KIAA1328: variants seen among roughly 807,000 people sequenced by gnomAD.
The protein encoded by KIAA1328 is KIAA1328, also known as protein hinderin.
Under a neutral mutation model 68.1 loss-of-function variants are expected in KIAA1328, and 52 were observed. The ratio of observed to expected loss-of-function variants is 0.76; its 90% confidence interval spans 0.61 to 0.96. The LOEUF (loss-of-function observed/expected upper bound fraction) is 0.96. Ranked by LOEUF, KIAA1328 falls within the 40% of genes least tolerant of loss-of-function variation. The probability of loss-of-function intolerance (pLI) is 0.00; values close to 1 mark genes in which losing one functional copy is unlikely to be tolerated. For synonymous variants in KIAA1328, 232 were observed against 239.4 expected (o/e 0.97, Z 0.28); for missense variants, 641 against 677.6 (o/e 0.95, Z 0.60).
chr18:37,229,673 G>A (rs2060655994), downstream of KIAA1328: 1 of 563,650 alleles, frequency 1.8e-6, no homozygotes, highest in Non-Finnish European at 2.8e-6. Flanking sequence ...AGGAGATCGA[G>A]ACCATCCTGG....
intron 7 of KIAA1328, among the ~76,000 whole-genome samples, chr18:37,142,212 G>A (rs916885723): frequency 6.6e-6 from 1 of 151,854 alleles, no homozygotes; most frequent in Non-Finnish European, 1.5e-5. Flanking sequence ...TTTTTTTGGG[G>A]ATGGAGTCTC....
At chr18:37,180,058 CCACACACACACACACACA>C (rs139301794) in intron 9 of KIAA1328, among the ~76,000 whole-genome samples, 35 of 134,168 alleles carry the variant, frequency 2.6e-4, no homozygotes, top group Admixed American at 6.8e-4. Context: ...GATTCAAAAG[CCACACACACACACACACA>C]CACACACACA....
At chr18:36,913,543 TACACACACACACACAC>T (rs34096013) in intron 5 of KIAA1328, among the ~76,000 whole-genome samples, 1 of 131,406 alleles carries the variant, frequency 7.6e-6, no homozygotes, top group Admixed American at 7.9e-5. Flanking sequence ...AGCAACTGCC[TACACACACACACACAC>T]ACACACACAC....
At chr18:37,133,820 G>A (rs753515585) in intron 7 of KIAA1328, among the ~76,000 whole-genome samples, 5 of 151,970 alleles carry the variant, frequency 3.3e-5, no homozygotes, top group East Asian at 1.9e-4. Flanking sequence ...CATTACTCCC[G>A]GCCTCTGTAT....
intron 4 of KIAA1328, among the ~76,000 whole-genome samples, chr18:36,868,213 G>A (rs975295272): frequency 1.3e-5 from 2 of 152,138 alleles, no homozygotes; most frequent in African/African-American, 4.8e-5. Flanking sequence ...AGTGCTAAGG[G>A]ATGAGTTGAT....
intron 8 of KIAA1328, among the ~76,000 whole-genome samples, chr18:37,165,956 C>A (rs1021500503): frequency 6.6e-6 from 1 of 151,052 alleles, no homozygotes; most frequent in African/African-American, 2.4e-5. Context: ...ATCTTTTTTT[C>A]TGTACTTACA....
chr18:36,912,740 C>A (rs1254143292), intron 5 of KIAA1328, among the ~76,000 whole-genome samples: 5 of 152,088 alleles, frequency 3.3e-5, no homozygotes, highest in Admixed American at 2.0e-4. Context: ...CTTATCAGCT[C>A]AAAAGTTTCG....
chr18:37,063,115 T>A (rs2056218026), intron 6 of KIAA1328, among the ~76,000 whole-genome samples: 2 of 152,022 alleles, frequency 1.3e-5, no homozygotes, highest in African/African-American at 4.8e-5. Context: ...TATACATGGC[T>A]GCATTATTAT....
chr18:37,011,733 A>G (rs975380984), intron 6 of KIAA1328, among the ~76,000 whole-genome samples: 1 of 152,224 alleles, frequency 6.6e-6, no homozygotes, highest in Admixed American at 6.5e-5. Flanking sequence ...TATATACTGT[A>G]TGAATACATT....
intron 2 of KIAA1328, among the ~76,000 whole-genome samples, chr18:36,834,571 A>G (rs1262321389): frequency 2.0e-5 from 3 of 152,214 alleles, no homozygotes; most frequent in Non-Finnish European, 2.9e-5. Context: ...TCAGCTTTTA[A>G]TGAACTTGTA....
chr18:36,916,774 A>AT (rs550907937), intron 5 of KIAA1328, among the ~76,000 whole-genome samples: 97 of 152,180 alleles, frequency 6.4e-4, no homozygotes, highest in African/African-American at 2.2e-3. Flanking sequence ...AACAGCTGCC[A>AT]TTTTTTATTT....
chr18:37,043,651 G>A (rs1392072743), intron 6 of KIAA1328, among the ~76,000 whole-genome samples: 1 of 152,190 alleles, frequency 6.6e-6, no homozygotes, highest in African/African-American at 2.4e-5. Flanking sequence ...CTGTCTGAGA[G>A]TTGAGCAATG....
chr18:37,223,450 A>G lies in KIAA1328; in HGVS notation c.*1223A>G. The G allele has an allele frequency of 1.0e-6, 1 of 985,380 alleles. No homozygotes were observed. Among genetic ancestry groups the G allele is most frequent in the Non-Finnish European group, 1.2e-6 (1 of 829,936 alleles). 61.0% of individuals were successfully genotyped at this position (985,380 alleles called of 1,614,324 possible). The stretch of plus-strand genomic sequence containing the variant: ...CTAGTAGCCTCTCAAGCTAATGGGG[A>G]TGATGATCCTGGTTTAGCCAGAGTT... On this transcript the variant is annotated 3_prime_UTR_variant, in exon 10 of 10. Coordinates refer to ENST00000280020, the MANE Select transcript of KIAA1328 (RefSeq NM_020776.3).
intron 9 of KIAA1328, among the ~76,000 whole-genome samples, chr18:37,179,620 AG>A: frequency 6.6e-6 from 1 of 152,166 alleles, no homozygotes; most frequent in East Asian, 1.9e-4. Flanking sequence ...ACTGAGAGCC[AG>A]GAACTAGGCT....
At chr18:37,152,377 C>T (rs534486923) in intron 7 of KIAA1328, among the ~76,000 whole-genome samples, 1 of 152,224 alleles carries the variant, frequency 6.6e-6, no homozygotes, top group African/African-American at 2.4e-5. Flanking sequence ...ATAGATTCCC[C>T]TGGTATCGTC....
At chr18:36,879,055 C>T (rs2048240239) in intron 4 of KIAA1328, among the ~76,000 whole-genome samples, 1 of 152,128 alleles carries the variant, frequency 6.6e-6, no homozygotes, top group Non-Finnish European at 1.5e-5. Flanking sequence ...GTTTTGTTGC[C>T]TTGCTGGTGA....
intron 5 of KIAA1328, among the ~76,000 whole-genome samples, chr18:36,927,109 C>G (rs1277455106): frequency 2.0e-5 from 3 of 152,192 alleles, no homozygotes; most frequent in Non-Finnish European, 4.4e-5. Flanking sequence ...CAGGCTCCAC[C>G]TTCAACATTG....
At chr18:37,064,572 G>A (rs1255413455) in intron 6 of KIAA1328, among the ~76,000 whole-genome samples, 6 of 133,912 alleles carry the variant, frequency 4.5e-5, no homozygotes, top group South Asian at 2.4e-4. Context: ...CTTAATTCCC[G>A]AATGTCACGT....
chr18:37,077,793 G>A (rs1463912762), intron 7 of KIAA1328, among the ~76,000 whole-genome samples: 2 of 150,022 alleles, frequency 1.3e-5, no homozygotes, highest in African/African-American at 5.0e-5. Context: ...ACCTCTTCAA[G>A]GAGAACTACA....
Sources: gnomAD v4.1 joint callset for allele counts (sites outside exome capture counted in the v4.1 genomes callset) on GRCh38, gnomAD v4.1.1 for gene constraint, MANE v1.5 for transcripts, NCBI Gene and HGNC (gene_info 2026-07-23, HGNC 2026-07-21) for gene names.